Variants in ATL2 observed in about 807,000 individuals in gnomAD.
ATL2 encodes atlastin GTPase 2.
Under a neutral mutation model 73.9 loss-of-function variants are expected in ATL2, and 31 were observed. That is an observed-to-expected ratio of 0.42 (90% confidence interval 0.32 to 0.57). ATL2 has a LOEUF of 0.57. Among genes scored for constraint, ATL2 ranks in the 20% least tolerant of loss-of-function variants. The probability of loss-of-function intolerance (pLI) is 0.14; values close to 1 mark genes in which losing one functional copy is unlikely to be tolerated. For synonymous variants in ATL2, 291 were observed against 237.5 expected (o/e 1.23, Z -2.07); for missense variants, 738 against 702.6 (o/e 1.05, Z -0.57).
intron 1 of ATL2, among the ~76,000 whole-genome samples, chr2:38,349,908 CAAT>C (rs1670244558): frequency 6.6e-6 from 1 of 152,110 alleles, no homozygotes; most frequent in Non-Finnish European, 1.5e-5. Context: ...TGGAGCCTAA[CAAT>C]GATGTGATAC....
intron 2 of ATL2, among the ~76,000 whole-genome samples, chr2:38,339,488 C>A (rs1048621815): frequency 4.6e-5 from 7 of 151,992 alleles, no homozygotes; most frequent in Admixed American, 4.6e-4. Context: ...TTCAGGTATA[C>A]AGGCTCTCTT....
At chr2:38,331,291 C>A (rs1025502522) in intron 2 of ATL2, among the ~76,000 whole-genome samples, 5 of 151,900 alleles carry the variant, frequency 3.3e-5, no homozygotes, top group Non-Finnish European at 5.9e-5. Flanking sequence ...CAAAAAGTAG[C>A]TGGGCATGGT....
rs28494715 is a variant in ATL2, at chr2:38,364,809, C to G, written c.118+12334G>C. ...CCTGTAATCCCAGCACTTTGGGAGG[C>G]TGAGGCGGGTGGATCACGAGGTCAG... On this transcript the variant is annotated intron_variant, in intron 1 of 12. Transcript: ENST00000378954. Among the ~76,000 whole-genome samples, 5 of 152,182 alleles carry G rather than the reference C, an allele frequency of 3.3e-5. No homozygotes were observed. The East Asian group carries it at 9.7e-4, about 29-fold the overall frequency.
intron 2 of ATL2, among the ~76,000 whole-genome samples, chr2:38,341,085 G>C (rs1290809482): frequency 6.6e-6 from 1 of 152,158 alleles, no homozygotes; most frequent in Non-Finnish European, 1.5e-5. Flanking sequence ...AAACTTATCT[G>C]TCATTCCTAG....
At chr2:38,315,395 G>C in intron 4 of ATL2, 61 bp from the exon 5 acceptor site, 2 of 1,461,250 alleles carry the variant, frequency 1.4e-6, no homozygotes, top group Non-Finnish European at 1.8e-6. Flanking sequence ...CCCAGCTTCT[G>C]TATAACTTTA....
intron 9 of ATL2, among the ~76,000 whole-genome samples, chr2:38,302,380 G>C (rs1272841528): frequency 1.3e-5 from 2 of 152,222 alleles, no homozygotes; most frequent in South Asian, 2.1e-4. Flanking sequence ...GATCACCAGA[G>C]AGCATCTCTG....
Position 38,325,673 on chromosome 2 carries a change from CACACACACACACACACACACACCAGT to C in ATL2, c.364-6680_364-6655del, listed in dbSNP as rs1393606098. ...ACACACACACCAGTACACACACACACACACACACACACACACACACACCAGTACACACACACACACACACACACACA... is the reference window on the plus strand; with the variant it reads ...ACACACACACCAGTACACACACACACACACACACACACACACACACACACA... On this transcript the variant is annotated intron_variant, in intron 2 of 12. Coordinates refer to ENST00000378954, the MANE Select transcript of ATL2 (RefSeq NM_001135673.4). 1.6e-3 allele frequency among the ~76,000 whole-genome samples: 120 copies of C among 74,678 alleles called. 4 individuals are homozygous for C. Among genetic ancestry groups the C allele is most frequent in the Middle Eastern group, 5.3e-3 (1 of 188 alleles). 49.0% of individuals were successfully genotyped at this position (74,678 alleles called of 152,430 possible).
At chr2:38,365,904 G>A (rs1048600320) in intron 1 of ATL2, among the ~76,000 whole-genome samples, 14 of 151,930 alleles carry the variant, frequency 9.2e-5, no homozygotes, top group South Asian at 8.3e-4. Context: ...CCAAGATCGC[G>A]CCATTGCACT....
chr2:38,310,762 C>T (rs999221334), intron 7 of ATL2, among the ~76,000 whole-genome samples: 3 of 151,720 alleles, frequency 2.0e-5, no homozygotes, highest in Non-Finnish European at 2.9e-5. Flanking sequence ...CTCAGCCTCC[C>T]GAGTAGCTGG....
intron 2 of ATL2, among the ~76,000 whole-genome samples, chr2:38,320,444 G>A (rs577622479): frequency 1.3e-5 from 2 of 152,252 alleles, no homozygotes; most frequent in African/African-American, 4.8e-5. Flanking sequence ...AAATACATTG[G>A]AGTTCATTAT....
intron 1 of ATL2, among the ~76,000 whole-genome samples, chr2:38,373,668 G>C (rs917300937): frequency 2.0e-5 from 3 of 152,136 alleles, no homozygotes; most frequent in Non-Finnish European, 4.4e-5. Context: ...TCCAAGTTTA[G>C]CAATATGTGT....
At chr2:38,357,680 A>G (rs986573523) in intron 1 of ATL2, among the ~76,000 whole-genome samples, 1 of 150,360 alleles carries the variant, frequency 6.7e-6, no homozygotes, top group South Asian at 2.1e-4. Context: ...AAACCTCTAG[A>G]GATACTTTTT....
intron 2 of ATL2, among the ~76,000 whole-genome samples, chr2:38,332,474 G>C (rs938792621): frequency 2.6e-5 from 4 of 152,100 alleles, no homozygotes; most frequent in Non-Finnish European, 5.9e-5. Flanking sequence ...CCAGAGTTCT[G>C]GGATTACAGG....
At chr2:38,308,512 T>G (rs921376818) in intron 9 of ATL2, among the ~76,000 whole-genome samples, 9 of 152,034 alleles carry the variant, frequency 5.9e-5, no homozygotes, top group Non-Finnish European at 1.2e-4. Flanking sequence ...TACAAAAATA[T>G]AGTTAGAATA....
intron 2 of ATL2, among the ~76,000 whole-genome samples, chr2:38,337,186 C>T (rs1259049400): frequency 2.0e-5 from 3 of 151,512 alleles, no homozygotes; most frequent in Non-Finnish European, 2.9e-5. Context: ...AAAACAAAAA[C>T]GAAAAGCAGT....
chr2:38,370,002 A>C (rs1671574838), intron 1 of ATL2, among the ~76,000 whole-genome samples: 1 of 151,002 alleles, frequency 6.6e-6, no homozygotes, highest in South Asian at 2.1e-4. Context: ...AAAATACAAA[A>C]AATTAGCCGG....
At position 38,318,261 on chromosome 2, in the gene ATL2, T is replaced by G. The variant is rs112290035; in HGVS notation, c.603+274A>C. On this transcript the variant is annotated intron_variant, in intron 4 of 12. Transcript: ENST00000378954. ...GGGAGGCCGAGGTGGGCGGGTCACCTGAGGTCAGGAGTTCGAGACCAGCCT... is the reference window on the plus strand; with the variant it reads ...GGGAGGCCGAGGTGGGCGGGTCACCGGAGGTCAGGAGTTCGAGACCAGCCT... The G allele has an allele frequency of 2.6e-4, 66 of 254,468 alleles. 1 individual carries two copies. In the South Asian group the frequency reaches 3.2e-3, roughly 12 times the overall value. 15.8% of individuals were successfully genotyped at this position (254,468 alleles called of 1,614,324 possible).
At position 38,376,262 on chromosome 2, in the gene ATL2, T is replaced by C. The variant is rs1671958252; in HGVS notation, c.118+881A>G. 2.1e-6 allele frequency: 3 copies of C among 1,410,702 alleles called. No homozygotes were observed. In the South Asian group the frequency reaches 4.6e-5, roughly 22 times the overall value. 87.4% of individuals were successfully genotyped at this position (1,410,702 alleles called of 1,614,324 possible). ...GCTAAACTCCTATAAATAGGGGTGT[T>C]ATGAGTGAGAGGGATACACTGCGCT... is the stretch of plus-strand genomic sequence containing the variant. On this transcript the variant is annotated intron_variant, in intron 1 of 12. Coordinates refer to ENST00000378954, the MANE Select transcript of ATL2 (RefSeq NM_001135673.4).
chr2:38,312,544 G>C (rs566145089), intron 7 of ATL2, among the ~76,000 whole-genome samples: 1 of 151,830 alleles, frequency 6.6e-6, no homozygotes, highest in Admixed American at 6.6e-5. Flanking sequence ...CCCCGTCTCT[G>C]CTAAAAAATA....
Sources: gnomAD v4.1 joint callset for allele counts (sites outside exome capture counted in the v4.1 genomes callset) on GRCh38, gnomAD v4.1.1 for gene constraint, MANE v1.5 for transcripts, NCBI Gene and HGNC (gene_info 2026-07-23, HGNC 2026-07-21) for gene names.